SCHIP1: variants seen among roughly 807,000 people sequenced by gnomAD.
SCHIP1 encodes schwannomin-interacting protein 1.
SCHIP1 carries 8 observed loss-of-function variants against 29.7 expected under a neutral mutation model. That is an observed-to-expected ratio of 0.27 (90% CI 0.16 to 0.49). SCHIP1 has a LOEUF of 0.49. Among genes scored for constraint, SCHIP1 ranks in the 20% least tolerant of loss-of-function variants. The probability of loss-of-function intolerance (pLI) is 0.99; values close to 1 mark genes in which losing one functional copy is unlikely to be tolerated. For missense variants in SCHIP1, 193 were observed against 294.6 expected (o/e 0.66, Z 2.52); for synonymous variants, 76 against 94.9 (o/e 0.80, Z 1.16).
chr3:159,531,262 CCATT>C, the SCHIP1 span, among the ~76,000 whole-genome samples: 2 of 152,280 alleles, frequency 1.3e-5, no homozygotes, highest in East Asian at 1.9e-4. Flanking sequence ...CTCACTGCAG[CCATT>C]CAAATGATTC....
At chr3:159,752,898 T>G in the SCHIP1 span, among the ~76,000 whole-genome samples, 1 of 152,360 alleles carries the variant, frequency 6.6e-6, no homozygotes, top group Admixed American at 6.5e-5. Flanking sequence ...CCAGAATTAA[T>G]GTGTCACAAC....
chr3:159,542,381 C>A, the SCHIP1 span, among the ~76,000 whole-genome samples: 1 of 152,026 alleles, frequency 6.6e-6, no homozygotes, highest in African/African-American at 2.4e-5. Flanking sequence ...CTCCCCCAAT[C>A]CCCAGTAATG....
At chr3:159,673,299 T>C in the SCHIP1 span, among the ~76,000 whole-genome samples, 3 of 152,264 alleles carry the variant, frequency 2.0e-5, no homozygotes, top group Non-Finnish European at 4.4e-5. Flanking sequence ...GCAGTCTGCA[T>C]GGCCCTGCTC....
chr3:159,547,510 A>G, the SCHIP1 span, among the ~76,000 whole-genome samples: 1 of 152,232 alleles, frequency 6.6e-6, no homozygotes, highest in East Asian at 1.9e-4. Context: ...CCTGAATGGT[A>G]TTGCATAGGT....
the SCHIP1 span, among the ~76,000 whole-genome samples, chr3:159,627,500 A>G: frequency 1.2e-4 from 18 of 152,206 alleles, no homozygotes; most frequent in Non-Finnish European, 2.1e-4. Context: ...TTACAGATAC[A>G]CAAATGAAGA....
the SCHIP1 span, among the ~76,000 whole-genome samples, chr3:159,579,636 T>C: frequency 2.0e-4 from 30 of 152,092 alleles, no homozygotes; most frequent in Admixed American, 6.6e-4. Flanking sequence ...ATAACTGCAG[T>C]GTGGCAAGGT....
the SCHIP1 span, among the ~76,000 whole-genome samples, chr3:159,580,053 A>G: frequency 6.6e-6 from 1 of 152,208 alleles, no homozygotes; most frequent in Admixed American, 6.6e-5. Context: ...TATTTTCAGG[A>G]TACTGTAGGC....
chr3:159,871,626 C>T (rs1434765187), intron 2 of SCHIP1, among the ~76,000 whole-genome samples: 1 of 152,146 alleles, frequency 6.6e-6, no homozygotes, highest in African/African-American at 2.4e-5. Context: ...ATCTAGGAGT[C>T]TTTTCTCTTG....
At chr3:159,374,980 T>G in the SCHIP1 span, among the ~76,000 whole-genome samples, 1 of 152,244 alleles carries the variant, frequency 6.6e-6, no homozygotes, top group Non-Finnish European at 1.5e-5. Flanking sequence ...CTATAAGTTT[T>G]TATATGTATT....
At chr3:159,507,678 G>C in the SCHIP1 span, among the ~76,000 whole-genome samples, 191 of 152,210 alleles carry the variant, frequency 1.3e-3, 2 homozygotes, top group African/African-American at 4.2e-3. Context: ...TAGCATGAAG[G>C]GTTGTTGAAT....
chr3:159,387,314 A>G, the SCHIP1 span: 1 of 319,554 alleles, frequency 3.1e-6, no homozygotes, highest in East Asian at 9.8e-5. Flanking sequence ...CCCAGGAAAA[A>G]GTCAATTATC....
the SCHIP1 span, among the ~76,000 whole-genome samples, chr3:159,335,010 C>T: frequency 6.6e-6 from 1 of 151,700 alleles, no homozygotes; most frequent in Non-Finnish European, 1.5e-5. Flanking sequence ...GGCAATTCTC[C>T]TGCCTCAGCC....
chr3:159,722,245 A>T, the SCHIP1 span: 1 of 174,334 alleles, frequency 5.7e-6, no homozygotes, highest in African/African-American at 2.4e-5. Flanking sequence ...TCTTCCACCA[A>T]CAGGGCCACA....
the SCHIP1 span, among the ~76,000 whole-genome samples, chr3:159,726,755 G>C: frequency 1.3e-5 from 2 of 152,154 alleles, no homozygotes; most frequent in African/African-American, 4.8e-5. Flanking sequence ...TTTACTGAGA[G>C]GCTTATAATA....
the SCHIP1 span, among the ~76,000 whole-genome samples, chr3:159,395,569 C>T: frequency 1.4e-4 from 22 of 152,072 alleles, no homozygotes; most frequent in Admixed American, 2.6e-4. Flanking sequence ...GCCTTCATTT[C>T]GTTATGTACC....
At chr3:159,569,338 C>G in the SCHIP1 span, among the ~76,000 whole-genome samples, 1 of 152,104 alleles carries the variant, frequency 6.6e-6, no homozygotes, top group Non-Finnish European at 1.5e-5. Flanking sequence ...CACCAACAGG[C>G]CCCAGTGTGT....
chr3:159,590,387 C>T, the SCHIP1 span, among the ~76,000 whole-genome samples: 13 of 152,152 alleles, frequency 8.5e-5, no homozygotes, highest in African/African-American at 3.1e-4. Flanking sequence ...ACCAGCCTGG[C>T]CAACATGGTG....
the SCHIP1 span, among the ~76,000 whole-genome samples, chr3:159,369,693 G>A: frequency 2.0e-5 from 3 of 152,196 alleles, no homozygotes; most frequent in South Asian, 6.2e-4. Context: ...CCACCCAAGG[G>A]CAGCCAAATG....
chr3:159,362,707 C>CG, the SCHIP1 span, among the ~76,000 whole-genome samples: 1 of 152,264 alleles, frequency 6.6e-6, no homozygotes, highest in Admixed American at 6.5e-5. Flanking sequence ...ATTTCCCCCC[C>CG]GGCCATGAGC....
Sources: allele counts gnomAD v4.1 joint callset (sites outside exome capture counted in the v4.1 genomes callset), GRCh38; gene constraint gnomAD v4.1.1; transcripts MANE v1.5; gene names NCBI Gene and HGNC (gene_info 2026-07-23, HGNC 2026-07-21).